FNIP2: variants seen among roughly 807,000 people sequenced by gnomAD.
FNIP2 encodes the protein folliculin-interacting protein 2.
A neutral mutation model predicts 108.7 loss-of-function variants in FNIP2; 32 were observed. That is an observed-to-expected ratio of 0.29 (90% CI 0.22 to 0.40). FNIP2 has a LOEUF of 0.40. Ranked by LOEUF, FNIP2 falls within the 10% of genes least tolerant of loss-of-function variation. The pLI is 1.00. For synonymous variants in FNIP2, 480 were observed against 496.7 expected, an observed-to-expected ratio of 0.97 and a Z score of 0.45; for missense variants, 1,202 against 1,381.6, an observed-to-expected ratio of 0.87 and a Z score of 2.06.
At chr4:158,837,507 C>T (rs1431380357) in intron 7 of FNIP2, among the ~76,000 whole-genome samples, 1 of 152,112 alleles carries the variant, frequency 6.6e-6, no homozygotes, top group African/African-American at 2.4e-5. Flanking sequence ...TAATATAGTT[C>T]ATATAAATGG....
At chr4:158,851,542 G>GA (rs1156931444) in intron 8 of FNIP2, 92 bp downstream of exon 8, 81 of 1,491,542 alleles carry the variant, frequency 5.4e-5, no homozygotes, top group East Asian at 3.9e-4. Flanking sequence ...ATTGTCAGTG[G>GA]AAAAAAAACC....
At chr4:158,887,845 A>G (rs923835003) in intron 14 of FNIP2, among the ~76,000 whole-genome samples, 3 of 151,858 alleles carry the variant, frequency 2.0e-5, no homozygotes, top group African/African-American at 7.3e-5. Flanking sequence ...TCTAGATCTT[A>G]GAGTTCTTTA....
At position 158,868,358 on chromosome 4, in the gene FNIP2, C is replaced by A; in HGVS notation, c.1722C>A (p.Asn574Lys). 2 of 1,613,954 alleles carry A rather than the reference C, an allele frequency of 1.2e-6. No individual in the cohort carries two copies. The highest frequency in any genetic ancestry group is 1.7e-6 in the Non-Finnish European group (2 of 1,179,886). Residue 574 changes from asparagine to lysine, a missense_variant, in exon 13 of 17, where the codon AAC becomes AAA. By Grantham distance (94) the Asn-to-Lys change is moderately conservative. This residue lies in a region of FNIP2 where 878 missense variants were observed against 990.3 expected (regional missense o/e 0.89). Transcript: ENST00000264433. This position sits in a 1 kb window ranked among gnomAD's most constrained non-coding sequence, Gnocchi z 4.6. ...ESEYVVITVR[N>K]EPALVPPILP... is the part of the protein sequence containing the mutation. ...AGTATGTGGTCATTACGGTGAGGAA[C>A]GAGCCCGCTCTTGTACCCCCCATCC...
At chr4:158,828,532 C>T (rs1054517817) in intron 2 of FNIP2, among the ~76,000 whole-genome samples, 1 of 152,146 alleles carries the variant, frequency 6.6e-6, no homozygotes, top group African/African-American at 2.4e-5. Flanking sequence ...AGGAGAATTG[C>T]TTGAACCCGG....
chr4:158,871,460 C>T, intron 14 of FNIP2: 5 of 985,224 alleles, frequency 5.1e-6, no homozygotes, highest in Non-Finnish European at 6.0e-6. Context: ...TGGCCTTGAG[C>T]ATCTCCTCTG....
Position 158,799,728 on chromosome 4 carries a change from T to G in FNIP2, c.108-26188T>G, listed in dbSNP as rs550500010. 1.1e-4 allele frequency among the ~76,000 whole-genome samples: 16 copies of G among 152,206 alleles called. 1 individual carries two copies. Among genetic ancestry groups the G allele is most frequent in the South Asian group, 8.3e-4 (4 of 4,828 alleles). On this transcript the variant is annotated intron_variant, in intron 1 of 16. Coordinates refer to ENST00000264433, the MANE Select transcript of FNIP2 (RefSeq NM_020840.3). ...ATGTAATATTTTGTTGCTGATGTGT[T>G]TCTAACTTTTGGCAGTCTTCAAAAA... is the stretch of plus-strand genomic sequence containing the variant.
intron 1 of FNIP2, among the ~76,000 whole-genome samples, chr4:158,823,968 G>A (rs1778021895): frequency 6.6e-6 from 1 of 152,176 alleles, no homozygotes; most frequent in Non-Finnish European, 1.5e-5. Context: ...TGATAACTTA[G>A]GGCACAGCTT....
intron 2 of FNIP2, among the ~76,000 whole-genome samples, chr4:158,826,262 T>C (rs1212916575): frequency 1.3e-5 from 2 of 152,332 alleles, no homozygotes; most frequent in South Asian, 2.1e-4. Context: ...TGTTAGCAAG[T>C]AATCATGGCA....
chr4:158,872,753 A>T (rs201199397), intron 14 of FNIP2: 20,854 of 848,942 alleles, frequency 0.025, 143 homozygotes, highest in African/African-American at 0.066. Context: ...TTTTTTTTTA[A>T]AAAACAGGCT....
chr4:158,896,658 G>A (rs1232820751), intron 16 of FNIP2, among the ~76,000 whole-genome samples: 1 of 152,016 alleles, frequency 6.6e-6, no homozygotes, highest in Non-Finnish European at 1.5e-5. Flanking sequence ...TGTGACGCCT[G>A]TGTTGTTCGG....
intron 7 of FNIP2, among the ~76,000 whole-genome samples, chr4:158,838,343 C>T (rs955310163): frequency 6.7e-6 from 1 of 149,784 alleles, no homozygotes; most frequent in Admixed American, 6.7e-5. Context: ...ACCTCAGCCT[C>T]ACAAGTAGCT....
intron 7 of FNIP2, among the ~76,000 whole-genome samples, 166 bp from the exon 8 acceptor site, chr4:158,851,155 T>G (rs1333378683): frequency 2.0e-5 from 3 of 152,202 alleles, no homozygotes; most frequent in African/African-American, 7.2e-5. Flanking sequence ...CAAAGGTAAT[T>G]GCGGGTTTTG....
intron 7 of FNIP2, among the ~76,000 whole-genome samples, chr4:158,842,679 C>G (rs1444112434): frequency 6.6e-6 from 1 of 151,676 alleles, no homozygotes; most frequent in Admixed American, 6.6e-5. Context: ...GCACTTGTAC[C>G]CCTTATAAAT....
At chr4:158,804,470 G>A (rs546178223) in intron 1 of FNIP2, among the ~76,000 whole-genome samples, 1 of 145,748 alleles carries the variant, frequency 6.9e-6, no homozygotes, top group South Asian at 2.1e-4. Flanking sequence ...CTGGAATGCA[G>A]TGGTGCGGTC....
chr4:158,900,412 G>A (rs1204161887), intron 16 of FNIP2, among the ~76,000 whole-genome samples: 5 of 151,922 alleles, frequency 3.3e-5, no homozygotes, highest in South Asian at 2.1e-4. Flanking sequence ...TTTCTGTCTC[G>A]TTGATCTAAT....
At chr4:158,827,644 C>T (rs1778232505) in intron 2 of FNIP2, among the ~76,000 whole-genome samples, 1 of 152,166 alleles carries the variant, frequency 6.6e-6, no homozygotes, top group Non-Finnish European at 1.5e-5. Context: ...CTTAGGCCCT[C>T]TGAGGGGCTG....
chr4:158,796,884 G>A (rs1041395310), intron 1 of FNIP2, among the ~76,000 whole-genome samples: 1 of 152,068 alleles, frequency 6.6e-6, no homozygotes, highest in African/African-American at 2.4e-5. Context: ...CTGTTCCCTG[G>A]TATGACACCC....
intron 2 of FNIP2, 53 bp downstream of exon 2, chr4:158,826,095 T>C: frequency 6.4e-7 from 1 of 1,570,658 alleles, no homozygotes; most frequent in Non-Finnish European, 8.7e-7. Context: ...TAACCACCCT[T>C]CTGATCAATC....
intron 1 of FNIP2, among the ~76,000 whole-genome samples, chr4:158,789,234 C>G (rs1001660151): frequency 6.6e-6 from 1 of 152,152 alleles, no homozygotes; most frequent in Non-Finnish European, 1.5e-5. Flanking sequence ...CAAAGATCAC[C>G]TGATCCCAAG....
Sources: gnomAD v4.1 joint callset for allele counts (sites outside exome capture counted in the v4.1 genomes callset) on GRCh38, gnomAD v4.1.1 for gene constraint, gnomAD v4.1.1 regional missense constraint, Gnocchi (gnomAD v3.1) non-coding constraint, MANE v1.5 for transcripts, NCBI Gene and HGNC (gene_info 2026-07-23, HGNC 2026-07-21) for gene names.